RAB3C: variants seen among roughly 807,000 people sequenced by gnomAD.
RAB3C encodes RAB3C, member RAS oncogene family, also known as ras-related protein Rab-3C.
In RAB3C, 17 loss-of-function variants were observed where a neutral mutation model predicts 26.4. The observed-to-expected ratio is 0.64, with a 90% confidence interval of 0.44 to 0.97. The LOEUF is 0.97. Ranked by LOEUF, RAB3C falls within the 50% of genes least tolerant of loss-of-function variation. The probability of loss-of-function intolerance (pLI) is 0.00; values close to 1 mark genes in which losing one functional copy is unlikely to be tolerated. For missense variants in RAB3C, 242 were observed against 281.9 expected, an observed-to-expected ratio of 0.86 and a Z score of 1.01; for synonymous variants, 91 against 95.9, an observed-to-expected ratio of 0.95 and a Z score of 0.30.
intron 1 of RAB3C, among the ~76,000 whole-genome samples, chr5:58,603,356 A>G (rs980660968): frequency 6.6e-6 from 1 of 152,154 alleles, no homozygotes; most frequent in Non-Finnish European, 1.5e-5. Context: ...TTGAATGTCT[A>G]GATCTCTAGC....
chr5:58,843,513 CTT>C (rs1374426653), intron 4 of RAB3C, among the ~76,000 whole-genome samples: 2 of 152,222 alleles, frequency 1.3e-5, no homozygotes, highest in African/African-American at 4.8e-5. Context: ...ACTTAGCACT[CTT>C]TGCATATAAG....
At chr5:58,658,453 G>C (rs921628586) in intron 2 of RAB3C, among the ~76,000 whole-genome samples, 1 of 152,222 alleles carries the variant, frequency 6.6e-6, no homozygotes, top group Admixed American at 6.5e-5. Context: ...GTTTAGAAAT[G>C]AGAAAGGAGA....
Position 58,683,388 on chromosome 5 carries a change from C to T in RAB3C, c.253-42614C>T, listed in dbSNP as rs976736506. ...AAAATAAAGTTATCTTTTTCATATA[C>T]TTTGTAAACCACTTAGAATTGTACA... is the stretch of plus-strand genomic sequence containing the variant. On this transcript the variant is annotated intron_variant, in intron 2 of 4. Transcript: ENST00000282878. 4.0e-5 allele frequency among the ~76,000 whole-genome samples: 6 copies of T among 151,682 alleles called. No individual in the cohort carries two copies. The East Asian group carries it at 1.2e-3, about 29-fold the overall frequency.
At chr5:58,653,128 C>G (rs961453930) in intron 2 of RAB3C, among the ~76,000 whole-genome samples, 20 of 152,026 alleles carry the variant, frequency 1.3e-4, no homozygotes, top group Admixed American at 5.2e-4. Context: ...TCCCCTTGCC[C>G]CCCACCCTCT....
intron 4 of RAB3C, among the ~76,000 whole-genome samples, chr5:58,829,384 A>G (rs1174380197): frequency 8.1e-6 from 1 of 123,322 alleles, no homozygotes; most frequent in African/African-American, 3.1e-5. Context: ...AATTAAAGAT[A>G]GATTTTCCTA....
At chr5:58,773,057 A>G (rs1252937830) in intron 3 of RAB3C, among the ~76,000 whole-genome samples, 1 of 152,148 alleles carries the variant, frequency 6.6e-6, no homozygotes, top group African/African-American at 2.4e-5. Context: ...GACACACACT[A>G]TGTATCTGGG....
At chr5:58,742,521 A>T (rs972672235) in intron 3 of RAB3C, among the ~76,000 whole-genome samples, 1 of 152,216 alleles carries the variant, frequency 6.6e-6, no homozygotes, top group African/African-American at 2.4e-5. Flanking sequence ...CAAGGAGTTA[A>T]GTATAATAAA....
chr5:58,849,466 G>A (rs146775893), intron 4 of RAB3C, among the ~76,000 whole-genome samples: 73 of 152,240 alleles, frequency 4.8e-4, no homozygotes, highest in African/African-American at 1.3e-3. Context: ...GAAGTTGAAC[G>A]ATCTAGCTCT....
chr5:58,796,283 C>T lies in RAB3C; in HGVS notation c.372-28755C>T, dbSNP rs372287627. Among the ~76,000 whole-genome samples, 75 of 152,248 alleles carry T rather than the reference C, an allele frequency of 4.9e-4. No homozygotes were observed. The South Asian group carries it at 0.015, about 31-fold the overall frequency. ...AAGTGTTACACAGGTTACAGAAACA[C>T]GGTATGTAGAAACACTATATGTAGC... On this transcript the variant is annotated intron_variant, in intron 3 of 4. Transcript: ENST00000282878.
chr5:58,605,266 T>C (rs1746535392), intron 1 of RAB3C, among the ~76,000 whole-genome samples: 1 of 152,044 alleles, frequency 6.6e-6, no homozygotes, highest in South Asian at 2.1e-4. Context: ...GAGCTAAAAT[T>C]CACAGTGCAA....
At chr5:58,658,459 G>A (rs1254053270) in intron 2 of RAB3C, among the ~76,000 whole-genome samples, 1 of 152,176 alleles carries the variant, frequency 6.6e-6, no homozygotes, top group African/African-American at 2.4e-5. Flanking sequence ...AAATGAGAAA[G>A]GAGAACTTTA....
intron 3 of RAB3C, among the ~76,000 whole-genome samples, chr5:58,733,351 T>G (rs1741066774): frequency 6.6e-6 from 1 of 152,170 alleles, no homozygotes; most frequent in African/African-American, 2.4e-5. Flanking sequence ...CACAGGGATG[T>G]TAGATGGCTA....
At chr5:58,840,955 T>A (rs146278870) in intron 4 of RAB3C, among the ~76,000 whole-genome samples, 2 of 152,092 alleles carry the variant, frequency 1.3e-5, no homozygotes, top group Non-Finnish European at 2.9e-5. Context: ...CTGCCAGGAG[T>A]GGTCCGTGGA....
At chr5:58,830,320 T>A (rs1450120910) in intron 4 of RAB3C, among the ~76,000 whole-genome samples, 1 of 152,146 alleles carries the variant, frequency 6.6e-6, no homozygotes, top group Non-Finnish European at 1.5e-5. Context: ...GCGGGACATA[T>A]AATTACTTCC....
At chr5:58,820,118 C>A (rs1743306936) in intron 3 of RAB3C, among the ~76,000 whole-genome samples, 1 of 150,592 alleles carries the variant, frequency 6.6e-6, no homozygotes, top group African/African-American at 2.4e-5. Flanking sequence ...CATTTTCTTG[C>A]AAAGCAACAA....
In RAB3C at chr5:58,808,053, A is replaced by G. The variant is rs552405674; in HGVS notation, c.372-16985A>G. ...ATCCTGCCTAACACAGTGAAACCCC[A>G]TCTCTACTAAAAATACAAAAAATTA... is the stretch of plus-strand genomic sequence containing the variant. On this transcript the variant is annotated intron_variant, in intron 3 of 4. Coordinates refer to ENST00000282878, the MANE Select transcript of RAB3C (RefSeq NM_138453.4). Among the ~76,000 whole-genome samples, 4 of 151,854 alleles carry G rather than the reference A, an allele frequency of 2.6e-5. No homozygotes were observed. The South Asian group carries it at 8.3e-4, about 32-fold the overall frequency.
chr5:58,701,195 G>T (rs529795095), intron 2 of RAB3C, among the ~76,000 whole-genome samples: 1 of 152,058 alleles, frequency 6.6e-6, no homozygotes, highest in South Asian at 2.1e-4. Context: ...TAGAGATGGG[G>T]TTTCACCATG....
At chr5:58,679,861 T>C (rs538196437) in intron 2 of RAB3C, among the ~76,000 whole-genome samples, 1 of 152,358 alleles carries the variant, frequency 6.6e-6, no homozygotes, top group South Asian at 2.1e-4. Context: ...CAGTGAGCAG[T>C]ACACATATCC....
intron 2 of RAB3C, among the ~76,000 whole-genome samples, chr5:58,721,356 G>A (rs967570601): frequency 1.4e-5 from 2 of 145,498 alleles, no homozygotes; most frequent in Non-Finnish European, 3.1e-5. Flanking sequence ...ATTTCCAGTT[G>A]TTTTTTTCAG....
Sources: gnomAD v4.1 joint callset for allele counts (sites outside exome capture counted in the v4.1 genomes callset) on GRCh38, gnomAD v4.1.1 for gene constraint, MANE v1.5 for transcripts, NCBI Gene and HGNC (gene_info 2026-07-23, HGNC 2026-07-21) for gene names.